Variants in ATP9B observed in about 807,000 individuals in gnomAD.
ATP9B encodes ATPase phospholipid transporting 9B, also known as probable phospholipid-transporting ATPase IIB.
ATP9B carries 110 observed loss-of-function variants against 146.1 expected under a neutral mutation model. The ratio of observed to expected loss-of-function variants is 0.75; its 90% CI spans 0.65 to 0.88. The LOEUF is 0.88. ATP9B is among the 40% of genes least tolerant of loss of function. The pLI is 0.00. For missense variants in ATP9B, 1,499 were observed against 1,496.4 expected (o/e 1.00, Z -0.03); for synonymous variants, 604 against 569.7 (o/e 1.06, Z -0.86).
chr18:79,235,401 A>G (rs4627435), intron 11 of ATP9B, among the ~76,000 whole-genome samples: 2 of 152,228 alleles, frequency 1.3e-5, no homozygotes, highest in African/African-American at 4.8e-5. Flanking sequence ...TTTGAATTTT[A>G]CATAATAACA....
At chr18:79,090,704 G>A (rs1486653293) in intron 1 of ATP9B, among the ~76,000 whole-genome samples, 1 of 152,054 alleles carries the variant, frequency 6.6e-6, no homozygotes, top group Non-Finnish European at 1.5e-5. Context: ...TGGCAAATAG[G>A]CAAATATTTT....
intron 9 of ATP9B, among the ~76,000 whole-genome samples, chr18:79,196,224 CTGTGG>C (rs2095416587): frequency 6.6e-6 from 1 of 152,174 alleles, no homozygotes; most frequent in Non-Finnish European, 1.5e-5. Context: ...AGTGCCAATT[CTGTGG>C]AGAGCAGTCT....
intron 15 of ATP9B, among the ~76,000 whole-genome samples, chr18:79,319,057 G>A (rs2096699453): frequency 6.6e-6 from 1 of 152,200 alleles, no homozygotes; most frequent in South Asian, 2.1e-4. Flanking sequence ...GTGAGTGCCA[G>A]CATCTCGGCC....
rs1320008801 is a variant in ATP9B, at chr18:79,154,548, A to G, written c.771A>G (p.Glu257=). 1.7e-5 allele frequency: 26 copies of G among 1,526,182 alleles called. No homozygotes were observed. The highest frequency in any genetic ancestry group is 2.7e-5 in the South Asian group (2 of 73,934). The allele number at this position is 1,526,182 out of a possible 1,614,324, so 94.5% of individuals were successfully genotyped here. A position where few individuals can be genotyped will look rare whatever the true frequency, so the allele number is the denominator to read the frequency against. The change falls in exon 7 of 30, where the codon GAA becomes GAG. Residue 257 remains glutamate (E), a synonymous_variant. Transcript: ENST00000426216. ...PSDMVFLRTS[E]KAGSCFIRTD... The stretch of plus-strand genomic sequence containing the variant: ...ACATGGTGTTTCTTAGGACTTCAGA[A>G]AAAGCAGGTATTTTTACATTTAAAA...
In ATP9B at chr18:79,330,064, T is replaced by C; in HGVS notation, c.1988T>C (p.Met663Thr). The C allele has an allele frequency of 6.2e-7, 1 of 1,614,204 alleles. No individual in the cohort carries two copies. Among genetic ancestry groups the C allele is most frequent in the Non-Finnish European group, 8.5e-7 (1 of 1,180,010 alleles). The change falls in exon 17 of 30, where the codon ATG becomes ACG. Residue 663 changes from methionine (M) to threonine (T), a missense_variant. Met to Thr is a moderately conservative substitution (Grantham distance 81). Coordinates refer to ENST00000426216, the MANE Select transcript of ATP9B (RefSeq NM_198531.5). ...TACATGAAGGGCGCTGACGTGGCCA[T>C]GTCTCCTATCGTGCAGTATAATGAC... ...TFYMKGADVA[M>T]SPIVQYNDWL...
intron 11 of ATP9B, among the ~76,000 whole-genome samples, chr18:79,247,258 G>C (rs775984286): frequency 2.0e-5 from 3 of 152,208 alleles, no homozygotes; most frequent in Non-Finnish European, 4.4e-5. Context: ...CAGTTGTCCT[G>C]TATGAACGTA....
intron 11 of ATP9B, among the ~76,000 whole-genome samples, chr18:79,216,914 A>G (rs747188234): frequency 7.9e-5 from 12 of 152,218 alleles, no homozygotes; most frequent in Non-Finnish European, 1.8e-4. Context: ...ATACATGCTG[A>G]GTCCTCCCCT....
chr18:79,236,267 C>T (rs2095840368), intron 11 of ATP9B, among the ~76,000 whole-genome samples: 1 of 152,108 alleles, frequency 6.6e-6, no homozygotes, highest in African/African-American at 2.4e-5. Flanking sequence ...CTGTGTTTAT[C>T]GGCATGGGTG....
chr18:79,303,254 C>T (rs766927569), intron 13 of ATP9B, among the ~76,000 whole-genome samples: 4 of 151,964 alleles, frequency 2.6e-5, no homozygotes, highest in Non-Finnish European at 4.4e-5. Context: ...CCCAGCTATT[C>T]GGGAAGCTGA....
chr18:79,257,136 C>CA (rs2096090613), intron 12 of ATP9B, among the ~76,000 whole-genome samples: 2 of 152,056 alleles, frequency 1.3e-5, no homozygotes, highest in South Asian at 4.1e-4. Flanking sequence ...CCCGTCTCTA[C>CA]AAAAAATACA....
chr18:79,306,434 C>T, intron 14 of ATP9B, among the ~76,000 whole-genome samples: 1 of 152,168 alleles, frequency 6.6e-6, no homozygotes, highest in East Asian at 1.9e-4. Flanking sequence ...GACACGGGGC[C>T]ATTTTTCCTC....
intron 15 of ATP9B, among the ~76,000 whole-genome samples, chr18:79,325,022 C>T (rs377320288): frequency 1.3e-5 from 2 of 152,260 alleles, no homozygotes; most frequent in African/African-American, 2.4e-5. Context: ...AGATGAAGGC[C>T]GTGGCCGAAG....
rs1599182087 is a variant in ATP9B at position 79,239,493 on chromosome 18, A to G, written c.1108-13888A>G. The stretch of plus-strand genomic sequence containing the variant: ...CAAGTCTGCTGTGGCAGGGACAGGG[A>G]CGTAGGACGATGGTGTCACGGCACT... On this transcript the variant is annotated intron_variant, in intron 11 of 29. Transcript: ENST00000426216. The surrounding 1 kb of genome is among the most constrained non-coding windows in gnomAD (Gnocchi z 5.1). Among the ~76,000 whole-genome samples the G allele has an allele frequency of 6.6e-6, 1 of 152,158 alleles. No homozygotes were observed. The highest frequency in any genetic ancestry group is 6.5e-5 in the Admixed American group (1 of 15,284).
At chr18:79,173,831 A>G in intron 7 of ATP9B, 1 of 449,142 alleles carries the variant, frequency 2.2e-6, no homozygotes, top group Non-Finnish European at 4.5e-6. Context: ...GCTGTTTTAA[A>G]CAACTTTACC....
intron 23 of ATP9B, among the ~76,000 whole-genome samples, chr18:79,346,940 A>G (rs966467381): frequency 9.8e-5 from 15 of 152,354 alleles, no homozygotes; most frequent in East Asian, 1.9e-4. Context: ...CATAATGTCA[A>G]TCCTGCCACG....
chr18:79,258,986 G>T (rs963203866), intron 12 of ATP9B, among the ~76,000 whole-genome samples: 1 of 152,170 alleles, frequency 6.6e-6, no homozygotes, highest in African/African-American at 2.4e-5. Context: ...ATATGCTTTT[G>T]GATTGAATAA....
chr18:79,190,272 G>T (rs953370626), intron 8 of ATP9B, among the ~76,000 whole-genome samples: 1 of 151,966 alleles, frequency 6.6e-6, no homozygotes, highest in East Asian at 1.9e-4. Flanking sequence ...TACATTTTAT[G>T]TTCTCATGTT....
intron 10 of ATP9B, among the ~76,000 whole-genome samples, chr18:79,212,204 C>G (rs2095590685): frequency 6.6e-6 from 1 of 152,160 alleles, no homozygotes; most frequent in Admixed American, 6.5e-5. Flanking sequence ...AAAAGCATGA[C>G]ACTCAGAAAA....
intron 9 of ATP9B, among the ~76,000 whole-genome samples, chr18:79,196,420 A>G (rs2095418242): frequency 6.6e-6 from 1 of 152,230 alleles, no homozygotes; most frequent in Non-Finnish European, 1.5e-5. Flanking sequence ...TACAGTGTAT[A>G]TGAATTTTAT....
Sources: allele counts gnomAD v4.1 joint callset (sites outside exome capture counted in the v4.1 genomes callset), GRCh38; gene constraint gnomAD v4.1.1; non-coding constraint Gnocchi (gnomAD v3.1); transcripts MANE v1.5; gene names NCBI Gene and HGNC (gene_info 2026-07-23, HGNC 2026-07-21).